The following SGCZ variants were observed in gnomAD, a reference collection of about 807,000 sequenced individuals.
The protein encoded by SGCZ is sarcoglycan zeta, also known as zeta-sarcoglycan.
SGCZ carries 40 observed loss-of-function variants against 41.3 expected under a neutral mutation model. The observed-to-expected ratio is 0.97, with a 90% CI of 0.75 to 1.26. The LOEUF (loss-of-function observed/expected upper bound fraction) is 1.26, where lower values mean the gene tolerates loss of function less well. Ranked by LOEUF, SGCZ falls within the 50% of genes most tolerant of loss-of-function variation. The pLI is 0.00. For missense variants in SGCZ, 552 were observed against 369.8 expected, an observed-to-expected ratio of 1.49 and a Z score of -4.04; for synonymous variants, 206 against 137.5, an observed-to-expected ratio of 1.50 and a Z score of -3.49.
intron 2 of SGCZ, among the ~76,000 whole-genome samples, chr8:14,462,249 T>C (rs1040720720): frequency 7.3e-5 from 11 of 151,582 alleles, no homozygotes; most frequent in African/African-American, 1.5e-4. Context: ...CTAACTATAC[T>C]AAATGGAAAA....
At chr8:14,773,552 T>A (rs1563259818) in intron 1 of SGCZ, among the ~76,000 whole-genome samples, 1 of 152,224 alleles carries the variant, frequency 6.6e-6, no homozygotes, top group African/African-American at 2.4e-5. Context: ...AGAGTTCACA[T>A]TCTTAGATAG....
At chr8:14,304,872 T>C (rs767944930) in intron 3 of SGCZ, among the ~76,000 whole-genome samples, 23 of 152,250 alleles carry the variant, frequency 1.5e-4, no homozygotes, top group African/African-American at 3.1e-4. Context: ...TTTGGTTACA[T>C]TACAGCAGTA....
At chr8:14,393,000 A>T (rs1166612463) in intron 2 of SGCZ, among the ~76,000 whole-genome samples, 2 of 152,192 alleles carry the variant, frequency 1.3e-5, no homozygotes, top group Non-Finnish European at 2.9e-5. Flanking sequence ...GATAGAACTC[A>T]AACTGTACTG....
chr8:15,198,666 C>G (rs1240985804), intron 1 of SGCZ, among the ~76,000 whole-genome samples: 2 of 152,152 alleles, frequency 1.3e-5, no homozygotes, highest in African/African-American at 4.8e-5. Flanking sequence ...ACAATAGTAA[C>G]AATAACAACA....
intron 1 of SGCZ, among the ~76,000 whole-genome samples, chr8:15,083,908 T>G (rs1005302138): frequency 7.2e-5 from 11 of 152,196 alleles, no homozygotes; most frequent in African/African-American, 2.4e-4. Flanking sequence ...TTTAAAAAGT[T>G]AAATTCTTCC....
intron 1 of SGCZ, among the ~76,000 whole-genome samples, chr8:14,678,227 T>C (rs1808336263): frequency 6.6e-6 from 1 of 152,170 alleles, no homozygotes; most frequent in Non-Finnish European, 1.5e-5. Context: ...TTCTGCTTAT[T>C]GAAAGACACT....
intron 3 of SGCZ, among the ~76,000 whole-genome samples, chr8:14,302,557 T>C (rs1268869448): frequency 6.6e-6 from 1 of 152,174 alleles, no homozygotes; most frequent in Non-Finnish European, 1.5e-5. Context: ...TTTCACTCAA[T>C]TGCCATTTAC....
chr8:14,140,609 AT>A (rs1177926854), intron 5 of SGCZ, among the ~76,000 whole-genome samples: 1 of 152,220 alleles, frequency 6.6e-6, no homozygotes, highest in Non-Finnish European at 1.5e-5. Context: ...AATCCAACTT[AT>A]AAGGGATGTG....
intron 1 of SGCZ, among the ~76,000 whole-genome samples, chr8:14,589,204 G>C (rs548040681): frequency 6.6e-6 from 1 of 151,948 alleles, no homozygotes; most frequent in Non-Finnish European, 1.5e-5. Flanking sequence ...AAACGAGCTG[G>C]GTGTGCTGGT....
At chr8:14,470,579 C>T (rs1801186854) in intron 2 of SGCZ, among the ~76,000 whole-genome samples, 1 of 151,962 alleles carries the variant, frequency 6.6e-6, no homozygotes, top group African/African-American at 2.4e-5. Flanking sequence ...TTGAAAAAAT[C>T]ATGTTTAGGA....
chr8:15,151,289 C>G (rs1404351773), intron 1 of SGCZ, among the ~76,000 whole-genome samples: 1 of 152,178 alleles, frequency 6.6e-6, no homozygotes, highest in African/African-American at 2.4e-5. Flanking sequence ...CAAATCTATC[C>G]CCACTAAGCT....
chr8:14,110,306 A>C (rs1002886218), intron 5 of SGCZ, among the ~76,000 whole-genome samples: 1 of 152,166 alleles, frequency 6.6e-6, no homozygotes, highest in Non-Finnish European at 1.5e-5. Context: ...TAACTATTTC[A>C]TGATTATGAA....
rs183794946 is a variant in SGCZ at position 14,817,093 on chromosome 8, C to T, written c.40-262167G>A. On this transcript the variant is annotated intron_variant, in intron 1 of 7. Coordinates refer to ENST00000382080, the MANE Select transcript of SGCZ (RefSeq NM_139167.4). ...CTTCTTCCACACTATTTTGGTTCAT[C>T]TCCCCTTCCCAGTAGTTATACCAAC... Among the ~76,000 whole-genome samples the T allele has an allele frequency of 5.1e-3, 780 of 152,282 alleles. 8 individuals are homozygous for T. Among genetic ancestry groups the T allele is most frequent in the African/African-American group, 0.018 (738 of 41,548 alleles).
intron 1 of SGCZ, among the ~76,000 whole-genome samples, chr8:15,172,195 T>A (rs1370891562): frequency 1.8e-4 from 23 of 125,332 alleles, no homozygotes; most frequent in Non-Finnish European, 3.1e-4. Flanking sequence ...GGAGTTTCGC[T>A]CTGTCGCCCA....
chr8:14,960,315 A>G (rs10503524), intron 1 of SGCZ, among the ~76,000 whole-genome samples: 63,727 of 151,824 alleles, frequency 0.42, 13,721 homozygotes, highest in African/African-American at 0.51. Flanking sequence ...TTTTATTGAT[A>G]GCCACAGGTT....
chr8:14,180,198 C>T (rs1051852180), intron 4 of SGCZ, among the ~76,000 whole-genome samples: 4 of 152,138 alleles, frequency 2.6e-5, no homozygotes, highest in African/African-American at 4.8e-5. Context: ...CAATAAAAAT[C>T]CCATAAAAGG....
At chr8:14,885,217 C>G (rs1010746049) in intron 1 of SGCZ, among the ~76,000 whole-genome samples, 1 of 152,138 alleles carries the variant, frequency 6.6e-6, no homozygotes, top group Non-Finnish European at 1.5e-5. Context: ...TTGGTCCAGT[C>G]ATCCCTTGAG....
intron 1 of SGCZ, among the ~76,000 whole-genome samples, chr8:14,934,278 T>C (rs1800015040): frequency 6.6e-6 from 1 of 151,850 alleles, no homozygotes; most frequent in Non-Finnish European, 1.5e-5. Flanking sequence ...TCTGCAGAAA[T>C]GTTAAGTACT....
rs536451535 is a variant in SGCZ, at chr8:14,194,001, C to G, written c.425-29299G>C. Among the ~76,000 whole-genome samples the G allele has an allele frequency of 3.2e-4, 48 of 151,714 alleles. 1 individual carries two copies. The South Asian group carries it at 1.0e-2, about 31-fold the overall frequency. ...TAACTAGAATTTCAAATTATCTTGA[C>G]AAGTCAGCATGATGGGACAATAGTT... is the stretch of plus-strand genomic sequence containing the variant. On this transcript the variant is annotated intron_variant, in intron 4 of 7. Transcript: ENST00000382080.
Sources: allele counts gnomAD v4.1 joint callset (sites outside exome capture counted in the v4.1 genomes callset), GRCh38; gene constraint gnomAD v4.1.1; transcripts MANE v1.5; gene names NCBI Gene and HGNC (gene_info 2026-07-23, HGNC 2026-07-21).